Variants in SRGAP3 observed in about 807,000 individuals in gnomAD.
SRGAP3 encodes SLIT-ROBO Rho GTPase activating protein 3, also known as SLIT-ROBO Rho GTPase-activating protein 3.
In SRGAP3, 39 loss-of-function variants were observed where a neutral mutation model predicts 121.1. The ratio of observed to expected loss-of-function variants is 0.32; its 90% CI spans 0.25 to 0.42. SRGAP3 has a LOEUF of 0.42. Ranked by LOEUF, SRGAP3 falls within the 10% of genes least tolerant of loss-of-function variation. SRGAP3 has a pLI of 1.00. For synonymous variants in SRGAP3, 601 were observed against 570.0 expected, an observed-to-expected ratio of 1.05 and a Z score of -0.77; for missense variants, 1,213 against 1,470.6, an observed-to-expected ratio of 0.82 and a Z score of 2.86.
chr3:9,197,326 A>G (rs1023174060), intron 1 of SRGAP3, among the ~76,000 whole-genome samples: 3 of 152,212 alleles, frequency 2.0e-5, no homozygotes, highest in Non-Finnish European at 4.4e-5. Flanking sequence ...TAAAATCTAC[A>G]AGCAAAGTTG....
At chr3:9,042,356 A>G (rs1026286158) in intron 10 of SRGAP3, among the ~76,000 whole-genome samples, 26 of 152,222 alleles carry the variant, frequency 1.7e-4, no homozygotes, top group African/African-American at 5.8e-4. Context: ...CATACTGGAC[A>G]GCACAGCTCT....
At chr3:9,202,921 T>C (rs1309822419) in intron 1 of SRGAP3, among the ~76,000 whole-genome samples, 1 of 152,198 alleles carries the variant, frequency 6.6e-6, no homozygotes. Context: ...CTGCAGTGAC[T>C]GGTTGATGGG....
At chr3:9,270,599 G>A (rs2600163) in intron 3 of SRGAP3, among the ~76,000 whole-genome samples, 32,564 of 151,820 alleles carry the variant, frequency 0.21, 4,222 homozygotes, top group Non-Finnish European at 0.3. Context: ...ATCAGCAAAA[G>A]AAGTATCACT....
intron 3 of SRGAP3, among the ~76,000 whole-genome samples, chr3:9,080,719 A>G (rs1947203226): frequency 6.6e-6 from 1 of 152,020 alleles, no homozygotes. Context: ...GTGGCATTAG[A>G]TTCTCATACG....
At chr3:9,156,298 T>C (rs1950414016) in intron 1 of SRGAP3, among the ~76,000 whole-genome samples, 1 of 152,184 alleles carries the variant, frequency 6.6e-6, no homozygotes, top group South Asian at 2.1e-4. Flanking sequence ...TTGTTTTGTG[T>C]TTGTTGCATT....
chr3:9,191,155 C>T (rs1457661821), intron 1 of SRGAP3, among the ~76,000 whole-genome samples: 1 of 152,138 alleles, frequency 6.6e-6, no homozygotes, highest in African/African-American at 2.4e-5. Flanking sequence ...GAGTCGCCCT[C>T]ATTCACCACT....
rs1350374941 is a variant in SRGAP3 at position 8,984,504 on chromosome 3, T to C, written c.*1015A>G. 1 of 232,390 alleles carries C rather than the reference T, an allele frequency of 4.3e-6. No homozygotes were observed. Among genetic ancestry groups the C allele is most frequent in the African/African-American group, 2.2e-5 (1 of 45,322 alleles). The allele number at this position is 232,390 out of a possible 1,614,324, so 14.4% of individuals were successfully genotyped here. ...TCTATAGTTACCACAGATTTATTCCTACAGCATTTCTAGGTTTTGGAGTAT... is the reference window on the plus strand; with the variant it reads ...TCTATAGTTACCACAGATTTATTCCCACAGCATTTCTAGGTTTTGGAGTAT... On this transcript the variant is annotated 3_prime_UTR_variant, in exon 22 of 22. Transcript: ENST00000383836.
chr3:9,278,176 A>T (rs1465052571), intron 3 of SRGAP3, among the ~76,000 whole-genome samples: 1 of 152,222 alleles, frequency 6.6e-6, no homozygotes, highest in South Asian at 2.1e-4. Context: ...AAAGCCAGTA[A>T]GTGGGGGAAG....
chr3:9,263,761 A>T (rs1190087152), intron 3 of SRGAP3, among the ~76,000 whole-genome samples: 1 of 152,222 alleles, frequency 6.6e-6, no homozygotes, highest in Admixed American at 6.5e-5. Flanking sequence ...CCAGGACCAG[A>T]GAGATTCACA....
rs184588726 is a variant in SRGAP3 at position 9,163,455 on chromosome 3, G to A, written c.68-38538C>T. Among the ~76,000 whole-genome samples, 36 of 152,316 alleles carry A rather than the reference G, an allele frequency of 2.4e-4. 2 individuals are homozygous for A. The East Asian group carries it at 3.7e-3, about 16-fold the overall frequency. On this transcript the variant is annotated intron_variant, in intron 1 of 21. Coordinates refer to ENST00000383836, the MANE Select transcript of SRGAP3 (RefSeq NM_014850.4). ...ATTTGCTCGGCTTTTGGTATTGACC[G>A]AAGGCGTTTTGAATGTGGCTGCCCC...
rs1357717832 is a variant in SRGAP3 at position 9,208,482 on chromosome 3, C to T, written c.67+40403G>A. On this transcript the variant is annotated intron_variant, in intron 1 of 21. Transcript: ENST00000383836. Reference sequence around the variant, plus strand: ...CTTAGGAACCCATCCACTTTTCCTGCTTTCACTCCCCGGACTCTGTTGCAA... The same window carrying T: ...CTTAGGAACCCATCCACTTTTCCTGTTTTCACTCCCCGGACTCTGTTGCAA... Among the ~76,000 whole-genome samples the T allele has an allele frequency of 4.3e-4, 66 of 152,216 alleles. 1 individual carries two copies. The highest frequency in any genetic ancestry group is 4.3e-3 in the Admixed American group (66 of 15,284).
chr3:9,243,139 A>G (rs1953707063), intron 1 of SRGAP3, among the ~76,000 whole-genome samples: 1 of 152,232 alleles, frequency 6.6e-6, no homozygotes, highest in South Asian at 2.1e-4. Flanking sequence ...AAGGTTTGGA[A>G]CAGAGGGGGA....
intron 3 of SRGAP3, among the ~76,000 whole-genome samples, chr3:9,099,348 C>T (rs984965188): frequency 6.6e-6 from 1 of 152,064 alleles, no homozygotes; most frequent in Non-Finnish European, 1.5e-5. Context: ...ACATCACGGC[C>T]GGGGCAAGTA....
intron 2 of SRGAP3, among the ~76,000 whole-genome samples, chr3:9,108,717 A>C (rs968320337): frequency 6.6e-6 from 1 of 152,156 alleles, no homozygotes; most frequent in African/African-American, 2.4e-5. Flanking sequence ...TGATCATGGA[A>C]GGCAGATTGG....
intron 13 of SRGAP3, among the ~76,000 whole-genome samples, chr3:9,025,568 C>G (rs1944155524): frequency 1.3e-5 from 2 of 152,264 alleles, no homozygotes; most frequent in South Asian, 4.1e-4. Flanking sequence ...TCTGTTTGAG[C>G]TTAAAGGAAA....
At chr3:9,103,758 CA>C (rs1948306400) in intron 3 of SRGAP3, among the ~76,000 whole-genome samples, 3 of 152,198 alleles carry the variant, frequency 2.0e-5, no homozygotes. Flanking sequence ...CTGAAATTCA[CA>C]AAAGTGAGTT....
Position 9,037,918 on chromosome 3 carries a change from C to T in SRGAP3, c.1436+145G>A, listed in dbSNP as rs907549749. Reference sequence around the variant, plus strand: ...AACAAGCAAAGCAGCAACTGTGCCTCACCTGGGCACACCCACACCGGCCCT... The same window carrying T: ...AACAAGCAAAGCAGCAACTGTGCCTTACCTGGGCACACCCACACCGGCCCT... On this transcript the variant is annotated intron_variant, in intron 11 of 21. Coordinates refer to ENST00000383836, the MANE Select transcript of SRGAP3 (RefSeq NM_014850.4). 6 of 1,064,338 alleles carry T rather than the reference C, an allele frequency of 5.6e-6. No individual in the cohort carries two copies. In the Admixed American group the frequency reaches 8.9e-5, roughly 16 times the overall value. The allele number at this position is 1,064,338 out of a possible 1,614,324, so 65.9% of individuals were successfully genotyped here.
chr3:9,297,909 G>A (rs1333318767), intron 3 of SRGAP3, among the ~76,000 whole-genome samples: 1 of 150,986 alleles, frequency 6.6e-6, no homozygotes, highest in Non-Finnish European at 1.5e-5. Context: ...AAAAAAAAAA[G>A]AGAAAGAGAG....
intron 1 of SRGAP3, among the ~76,000 whole-genome samples, chr3:9,136,440 C>T (rs1206155082): frequency 1.3e-5 from 2 of 150,944 alleles, no homozygotes; most frequent in African/African-American, 4.9e-5. Context: ...GCGCCACGTG[C>T]AGCAGCCGGG....
Sources: gnomAD v4.1 joint callset for allele counts (sites outside exome capture counted in the v4.1 genomes callset) on GRCh38, gnomAD v4.1.1 for gene constraint, MANE v1.5 for transcripts, NCBI Gene and HGNC (gene_info 2026-07-23, HGNC 2026-07-21) for gene names.